The following ADAMTS2 variants were observed in gnomAD, a reference collection of about 807,000 sequenced individuals.
ADAMTS2 encodes the protein A disintegrin and metalloproteinase with thrombospondin motifs 2.
Under a neutral mutation model 123.0 loss-of-function variants are expected in ADAMTS2, and 50 were observed. That is an observed-to-expected ratio of 0.41 (90% CI 0.32 to 0.51). The LOEUF (loss-of-function observed/expected upper bound fraction) is 0.51, where lower values mean the gene tolerates loss of function less well. ADAMTS2 is among the 20% of genes least tolerant of loss of function. The pLI is 0.35. For synonymous variants in ADAMTS2, 678 were observed against 695.4 expected, an observed-to-expected ratio of 0.98 and a Z score of 0.39; for missense variants, 1,494 against 1,705.2, an observed-to-expected ratio of 0.88 and a Z score of 2.18.
intron 13 of ADAMTS2, among the ~76,000 whole-genome samples, chr5:179,133,229 T>G (rs1346689728): frequency 6.6e-6 from 1 of 152,130 alleles, no homozygotes; most frequent in Non-Finnish European, 1.5e-5. Flanking sequence ...GTCCCTGGCT[T>G]GATGAACATT....
intron 2 of ADAMTS2, among the ~76,000 whole-genome samples, chr5:179,331,640 G>A (rs1441468939): frequency 6.6e-6 from 1 of 151,422 alleles, no homozygotes; most frequent in African/African-American, 2.4e-5. Flanking sequence ...CCCAGCACCA[G>A]GACCCAGCAC....
intron 2 of ADAMTS2, among the ~76,000 whole-genome samples, chr5:179,297,107 A>T (rs1353691407): frequency 6.6e-6 from 1 of 152,294 alleles, no homozygotes; most frequent in African/African-American, 2.4e-5. Flanking sequence ...AGCATCTGCC[A>T]TGGTTAGAAA....
intron 11 of ADAMTS2, 100 bp from the exon 12 acceptor site, chr5:179,138,044 A>G: frequency 7.3e-7 from 1 of 1,362,470 alleles, no homozygotes; most frequent in Non-Finnish European, 1.0e-6. Context: ...CCTAAGTCTC[A>G]GGTGTCCGGG....
At chr5:179,235,283 G>A (rs901157416) in intron 3 of ADAMTS2, among the ~76,000 whole-genome samples, 3 of 152,234 alleles carry the variant, frequency 2.0e-5, no homozygotes, top group African/African-American at 7.2e-5. Context: ...CCTTGGCTGA[G>A]AGGAGGCTCA....
At chr5:179,259,606 G>A (rs1190060539) in intron 3 of ADAMTS2, among the ~76,000 whole-genome samples, 3 of 152,222 alleles carry the variant, frequency 2.0e-5, no homozygotes, top group African/African-American at 7.2e-5. Context: ...ACGCATTGCT[G>A]CCCTCAGGCA....
chr5:179,253,825 A>C (rs1276157694), intron 3 of ADAMTS2, among the ~76,000 whole-genome samples: 1 of 151,998 alleles, frequency 6.6e-6, no homozygotes, highest in African/African-American at 2.4e-5. Flanking sequence ...GTGACACGCC[A>C]TGTCCACACC....
intron 3 of ADAMTS2, among the ~76,000 whole-genome samples, chr5:179,251,930 A>G (rs1765935377): frequency 6.6e-6 from 1 of 151,518 alleles, no homozygotes; most frequent in Admixed American, 6.6e-5. Flanking sequence ...GGCAACACTG[A>G]CCCCGAATCT....
At chr5:179,270,692 G>T (rs1766508508) in intron 3 of ADAMTS2, among the ~76,000 whole-genome samples, 1 of 152,188 alleles carries the variant, frequency 6.6e-6, no homozygotes, top group African/African-American at 2.4e-5. Flanking sequence ...GGTCACCGTG[G>T]GCCCTCCACC....
intron 2 of ADAMTS2, among the ~76,000 whole-genome samples, chr5:179,341,025 T>C (rs1166388796): frequency 6.6e-6 from 1 of 152,182 alleles, no homozygotes; most frequent in African/African-American, 2.4e-5. Context: ...TTATTATGAA[T>C]AACTTCCGTC....
In ADAMTS2 at chr5:179,132,146, G is replaced by T; in HGVS notation, c.2290+84C>A. 7.2e-7 allele frequency: 1 copy of T among 1,389,672 alleles called. No homozygotes were observed. Among genetic ancestry groups the T allele is most frequent in the South Asian group, 1.2e-5 (1 of 83,924 alleles). The allele number at this position is 1,389,672 out of a possible 1,614,324, so 86.1% of individuals were successfully genotyped here. On this transcript the variant is annotated intron_variant, in intron 15 of 21. Transcript: ENST00000251582. This position sits in a 1 kb window ranked among gnomAD's most constrained non-coding sequence, Gnocchi z 6.1. ...TCATGGCTGCACAACCCGGGCCCCT[G>T]ACCCCTGACCCCTGGCACTCTGCCC...
intron 2 of ADAMTS2, among the ~76,000 whole-genome samples, chr5:179,300,850 A>T (rs569840632): frequency 6.6e-6 from 1 of 152,358 alleles, no homozygotes; most frequent in South Asian, 2.1e-4. Context: ...AAGCCAGCAG[A>T]CAGATAAACC....
rs1765489452 is a variant in ADAMTS2 at position 179,234,898 on chromosome 5, C to A, written c.689-27183G>T. 6.6e-6 allele frequency among the ~76,000 whole-genome samples: 1 copy of A among 152,176 alleles called. No homozygotes were observed. The highest frequency in any genetic ancestry group is 2.4e-5 in the African/African-American group (1 of 41,440). On this transcript the variant is annotated intron_variant, in intron 3 of 21. Coordinates refer to ENST00000251582, the MANE Select transcript of ADAMTS2 (RefSeq NM_014244.5). The surrounding 1 kb of genome is among the most constrained non-coding windows in gnomAD (Gnocchi z 4.7). ...CTCCCTCTTCCCAAGCCTAGCAGACCCGTGCGGGAGTGCGAGCACACTGGC... is the reference window on the plus strand; with the variant it reads ...CTCCCTCTTCCCAAGCCTAGCAGACACGTGCGGGAGTGCGAGCACACTGGC...
chr5:179,253,290 T>C (rs1479754277), intron 3 of ADAMTS2, among the ~76,000 whole-genome samples: 1 of 152,232 alleles, frequency 6.6e-6, no homozygotes, highest in Non-Finnish European at 1.5e-5. Context: ...TCTTACTCTA[T>C]GATCTCAATT....
chr5:179,229,905 C>T (rs1765369868), intron 3 of ADAMTS2, among the ~76,000 whole-genome samples: 1 of 152,180 alleles, frequency 6.6e-6, no homozygotes, highest in South Asian at 2.1e-4. Context: ...GGACAGGCCT[C>T]TCTTGCCAAG....
chr5:179,169,275 T>C (rs1158052572), intron 5 of ADAMTS2, among the ~76,000 whole-genome samples: 1 of 152,330 alleles, frequency 6.6e-6, no homozygotes, highest in East Asian at 1.9e-4. Context: ...AGGTGCCCTC[T>C]AGGAGGAATG....
chr5:179,117,227 G>A lies in ADAMTS2; in HGVS notation c.3179-2903C>T, dbSNP rs1201362368. ...GAAACACAGGGGGTTCTGGATAAGA[G>A]CTGATGGTGGCCTCCCTTCTCCCTA... On this transcript the variant is annotated intron_variant, in intron 21 of 21. Coordinates refer to ENST00000251582, the MANE Select transcript of ADAMTS2 (RefSeq NM_014244.5). The surrounding 1 kb of genome is among the most constrained non-coding windows in gnomAD (Gnocchi z 4.2). Among the ~76,000 whole-genome samples the A allele has an allele frequency of 1.3e-5, 2 of 152,148 alleles. No homozygotes were observed. The highest frequency in any genetic ancestry group is 4.8e-5 in the African/African-American group (2 of 41,436).
chr5:179,122,573 C>G, intron 20 of ADAMTS2, 71 bp downstream of exon 20: 1 of 1,535,256 alleles, frequency 6.5e-7, no homozygotes, highest in African/African-American at 1.4e-5. Flanking sequence ...TTTGCCTGAA[C>G]CAAGCCTCTG....
At chr5:179,239,615 CTT>C (rs771461634) in intron 3 of ADAMTS2, among the ~76,000 whole-genome samples, 1 of 152,004 alleles carries the variant, frequency 6.6e-6, no homozygotes, top group Non-Finnish European at 1.5e-5. Context: ...GAATATGAGT[CTT>C]GGGTGCAGGA....
chr5:179,314,700 A>G lies in ADAMTS2; in HGVS notation c.534+29067T>C, dbSNP rs935194245. ...CAAGCCCCTGATTCTGGGGGCTTCC[A>G]CGCTCTTCCACCAAGCCCTTGTAGC... On this transcript the variant is annotated intron_variant, in intron 2 of 21. Coordinates refer to ENST00000251582, the MANE Select transcript of ADAMTS2 (RefSeq NM_014244.5). The surrounding 1 kb of genome is among the most constrained non-coding windows in gnomAD (Gnocchi z 4.5). Among the ~76,000 whole-genome samples, 7 of 151,934 alleles carry G rather than the reference A, an allele frequency of 4.6e-5. No individual in the cohort carries two copies. The highest frequency in any genetic ancestry group is 1.7e-4 in the African/African-American group (7 of 41,278).
Sources: gnomAD v4.1 joint callset for allele counts (sites outside exome capture counted in the v4.1 genomes callset) on GRCh38, gnomAD v4.1.1 for gene constraint, Gnocchi (gnomAD v3.1) non-coding constraint, MANE v1.5 for transcripts, NCBI Gene and HGNC (gene_info 2026-07-23, HGNC 2026-07-21) for gene names.